The following NUP210 variants were observed in gnomAD, a reference collection of about 807,000 sequenced individuals.
NUP210 encodes nuclear pore membrane glycoprotein 210.
NUP210 carries 151 observed loss-of-function variants against 196.0 expected under a neutral mutation model. That is an observed-to-expected ratio of 0.77 (90% confidence interval 0.67 to 0.88). The LOEUF (loss-of-function observed/expected upper bound fraction) is 0.88. NUP210 is among the 40% of genes least tolerant of loss of function. The probability of loss-of-function intolerance (pLI) is 0.00; values close to 1 mark genes in which losing one functional copy is unlikely to be tolerated. For synonymous variants in NUP210, 1,070 were observed against 1,052.7 expected, an observed-to-expected ratio of 1.02 and a Z score of -0.32; for missense variants, 2,314 against 2,493.7, an observed-to-expected ratio of 0.93 and a Z score of 1.53.
Position 13,340,166 on chromosome 3 carries a change from G to A in NUP210, c.3291+70C>T. The stretch of plus-strand genomic sequence containing the variant: ...CCCAGTCACTGCACGCAGGGCCAGA[G>A]GCGGCGTGCCTGGAACCAGGTGGTG... On this transcript the variant is annotated intron_variant, in intron 24 of 39. Transcript: ENST00000254508. This position sits in a 1 kb window ranked among gnomAD's most constrained non-coding sequence, Gnocchi z 4.0. 1 of 1,606,434 alleles carries A rather than the reference G, an allele frequency of 6.2e-7. No individual in the cohort carries two copies. The highest frequency in any genetic ancestry group is 1.7e-5 in the Admixed American group (1 of 59,956).
intron 20 of NUP210, among the ~76,000 whole-genome samples, chr3:13,346,408 C>A (rs556089782): frequency 6.6e-6 from 1 of 152,166 alleles, no homozygotes; most frequent in African/African-American, 2.4e-5. Context: ...AGAATGTTTG[C>A]GAGGGGAAAG....
At chr3:13,332,479 G>A in intron 28 of NUP210, 95 bp from the exon 29 acceptor site, 1 of 943,862 alleles carries the variant, frequency 1.1e-6, no homozygotes, top group African/African-American at 1.6e-5. Context: ...GCCGAGGAGG[G>A]GCCAGAGAGG....
At chr3:13,401,309 A>ATGT (rs1016683844) in intron 1 of NUP210, among the ~76,000 whole-genome samples, 1 of 149,188 alleles carries the variant, frequency 6.7e-6, no homozygotes, top group Non-Finnish European at 1.5e-5. Context: ...ACCTAGGCAG[A>ATGT]TGTCCCGCCT....
intron 2 of NUP210, among the ~76,000 whole-genome samples, 184 bp from the exon 3 acceptor site, chr3:13,397,672 G>C (rs1327508394): frequency 6.6e-6 from 1 of 152,206 alleles, no homozygotes; most frequent in Non-Finnish European, 1.5e-5. Flanking sequence ...GAAAGAAAGG[G>C]CTGTGGGGGC....
rs114030431 is a variant in NUP210, at chr3:13,318,163, C to T, written c.5564-382G>A. Among the ~76,000 whole-genome samples, 173 of 152,294 alleles carry T rather than the reference C, an allele frequency of 1.1e-3. 1 individual carries two copies. Among genetic ancestry groups the T allele is most frequent in the African/African-American group, 4.0e-3 (166 of 41,564 alleles). On this transcript the variant is annotated intron_variant, in intron 39 of 39. Coordinates refer to ENST00000254508, the MANE Select transcript of NUP210 (RefSeq NM_024923.4). The stretch of plus-strand genomic sequence containing the variant: ...GGGGAGCAGCGATTCTGCAGTGCTC[C>T]GGAGACCTTGCAGAGATCCAGGTGT...
Position 13,317,537 on chromosome 3 carries a change from T to A in NUP210, c.*144A>T. 1.5e-6 allele frequency: 1 copy of A among 672,354 alleles called. No homozygotes were observed. Among genetic ancestry groups the A allele is most frequent in the Admixed American group, 2.2e-5 (1 of 45,788 alleles). The allele number at this position is 672,354 out of a possible 1,614,324, so 41.6% of individuals were successfully genotyped here. ...GGGCAGAGCCGAAACTACAGCTCTG[T>A]GTGAAGAGACGGCAGTGAAGCTGGC... On this transcript the variant is annotated 3_prime_UTR_variant, in exon 40 of 40. Transcript: ENST00000254508.
chr3:13,318,460 T>G (rs1696364782), intron 39 of NUP210, among the ~76,000 whole-genome samples: 1 of 152,088 alleles, frequency 6.6e-6, no homozygotes, highest in Admixed American at 6.5e-5. Flanking sequence ...TGGGCCCCCA[T>G]GTCAGCAGAC....
At chr3:13,320,246 A>G (rs1385949326) in intron 36 of NUP210, among the ~76,000 whole-genome samples, 1 of 152,224 alleles carries the variant, frequency 6.6e-6, no homozygotes, top group Admixed American at 6.5e-5. Flanking sequence ...AGCCCTGTCC[A>G]TACTCAGGGT....
chr3:13,373,810 C>G lies in NUP210; in HGVS notation c.1495G>C (p.Val499Leu), dbSNP rs907134857. The change falls in exon 12 of 40, where the codon GTC becomes CTC. Residue 499 changes from valine to leucine, a missense_variant. Val to Leu is a conservative substitution (Grantham distance 32, BLOSUM62 1). Transcript: ENST00000254508. ...CTGCCTGTGGTCATCACGCCCTTGA[C>G]AGTAACTGTGGCAACCAGGTGGCTT... ...SSSHLVATVT[V>L]KGVMTTGSDI... 9 of 1,614,062 alleles carry G rather than the reference C, an allele frequency of 5.6e-6. No individual in the cohort carries two copies. The highest frequency in any genetic ancestry group is 7.6e-6 in the Non-Finnish European group (9 of 1,180,020).
At chr3:13,401,291 C>T (rs1301187521) in intron 1 of NUP210, among the ~76,000 whole-genome samples, 1 of 78,792 alleles carries the variant, frequency 1.3e-5, no homozygotes, top group South Asian at 3.7e-4. Flanking sequence ...GGCAATGGTG[C>T]GGAACACACC....
At chr3:13,405,306 T>C (rs1184358197) in intron 1 of NUP210, among the ~76,000 whole-genome samples, 2 of 152,188 alleles carry the variant, frequency 1.3e-5, no homozygotes, top group African/African-American at 4.8e-5. Context: ...TGAGTGGGGA[T>C]GTCAGCATCC....
intron 30 of NUP210, 148 bp downstream of exon 30, chr3:13,330,312 C>T: frequency 1.4e-6 from 1 of 730,252 alleles, no homozygotes; most frequent in Non-Finnish European, 2.3e-6. Context: ...TTTTTATCTA[C>T]CTAGGACCTT....
chr3:13,327,962 C>A (rs1696842899), intron 31 of NUP210, among the ~76,000 whole-genome samples: 1 of 152,214 alleles, frequency 6.6e-6, no homozygotes, highest in Non-Finnish European at 1.5e-5. Flanking sequence ...TCAATGTTGG[C>A]AATGGCAGCT....
At chr3:13,380,585 G>A (rs537398592) in intron 6 of NUP210, among the ~76,000 whole-genome samples, 1 of 152,160 alleles carries the variant, frequency 6.6e-6, no homozygotes, top group African/African-American at 2.4e-5. Flanking sequence ...TCCTAAGCCC[G>A]CGGAGCTTCC....
intron 28 of NUP210, among the ~76,000 whole-genome samples, chr3:13,333,082 A>G (rs1422551147): frequency 1.3e-5 from 2 of 152,160 alleles, no homozygotes; most frequent in Non-Finnish European, 2.9e-5. Context: ...CAGGATCCAC[A>G]TAGACACACA....
chr3:13,407,179 G>A (rs887331191), intron 1 of NUP210, among the ~76,000 whole-genome samples: 4 of 152,206 alleles, frequency 2.6e-5, no homozygotes, highest in Admixed American at 2.6e-4. Context: ...TAGGAAAAAG[G>A]AGGGGGCTCC....
At position 13,351,912 on chromosome 3, in the gene NUP210, C is replaced by T; in HGVS notation, c.2802G>A (p.Lys934=). 1 of 1,613,970 alleles carries T rather than the reference C, an allele frequency of 6.2e-7. No individual in the cohort carries two copies. Among genetic ancestry groups the T allele is most frequent in the Non-Finnish European group, 8.5e-7 (1 of 1,179,868 alleles). Residue 934 remains lysine (K), a synonymous_variant, in exon 20 of 40, where the codon AAG becomes AAA. Transcript: ENST00000254508. ...FLNTSTADVV[K]VAYQEARGVA... ...CACCCCTGGCCTCCTGGTAGGCCAC[C>T]TTGACAACATCTGCGGTGCTGGTGT... is the stretch of plus-strand genomic sequence containing the variant.
intron 1 of NUP210, among the ~76,000 whole-genome samples, chr3:13,418,325 G>A (rs1700413214): frequency 6.6e-6 from 1 of 152,252 alleles, no homozygotes; most frequent in African/African-American, 2.4e-5. Context: ...GGGTGCAGTG[G>A]CTCACGCCTG....
At chr3:13,387,862 AG>A (rs1284220779) in intron 5 of NUP210, among the ~76,000 whole-genome samples, 1 of 152,130 alleles carries the variant, frequency 6.6e-6, no homozygotes, top group Non-Finnish European at 1.5e-5. Context: ...ATCTACACAT[AG>A]GATCCCTGGG....
Sources: allele counts gnomAD v4.1 joint callset (sites outside exome capture counted in the v4.1 genomes callset), GRCh38; gene constraint gnomAD v4.1.1; non-coding constraint Gnocchi (gnomAD v3.1); transcripts MANE v1.5; gene names NCBI Gene and HGNC (gene_info 2026-07-23, HGNC 2026-07-21).